The following ATP10B variants were observed in gnomAD, a reference collection of about 807,000 sequenced individuals.
ATP10B encodes phospholipid-transporting ATPase VB.
Under a neutral mutation model 141.2 loss-of-function variants are expected in ATP10B, and 122 were observed. That is an observed-to-expected ratio of 0.86 (90% CI 0.75 to 1.00). ATP10B has a LOEUF of 1.00. ATP10B is among the 50% of genes least tolerant of loss of function. The pLI, the probability that ATP10B is intolerant of heterozygous loss-of-function variation, is 0.00. For missense variants in ATP10B, 1,876 were observed against 1,825.3 expected, an observed-to-expected ratio of 1.03 and a Z score of -0.51; for synonymous variants, 685 against 692.0, an observed-to-expected ratio of 0.99 and a Z score of 0.16.
intron 1 of ATP10B, among the ~76,000 whole-genome samples, chr5:160,844,900 GA>G (rs1363476777): frequency 1.3e-5 from 2 of 151,966 alleles, no homozygotes; most frequent in East Asian, 1.9e-4. Flanking sequence ...TAAATTGAAA[GA>G]AAAAAACTGA....
At chr5:160,791,218 A>G (rs1771541108) in intron 1 of ATP10B, among the ~76,000 whole-genome samples, 1 of 152,178 alleles carries the variant, frequency 6.6e-6, no homozygotes. Flanking sequence ...AGTAGGACCC[A>G]TGCTGGACTT....
chr5:160,859,515 C>T, the ATP10B span, among the ~76,000 whole-genome samples: 1 of 151,768 alleles, frequency 6.6e-6, no homozygotes, highest in East Asian at 1.9e-4. Flanking sequence ...CCATAATCCC[C>T]CTTCAAATGT....
At chr5:160,659,317 T>C (rs546191704) in intron 7 of ATP10B, among the ~76,000 whole-genome samples, 14 of 151,910 alleles carry the variant, frequency 9.2e-5, no homozygotes, top group African/African-American at 3.4e-4. Flanking sequence ...TACAAAAAAT[T>C]AGCCGGGTAT....
At chr5:160,719,790 G>T (rs1211561786) in intron 2 of ATP10B, among the ~76,000 whole-genome samples, 1 of 152,188 alleles carries the variant, frequency 6.6e-6, no homozygotes, top group South Asian at 2.1e-4. Flanking sequence ...CTTTGCAAGG[G>T]AAGTGTGATT....
At chr5:160,770,983 CCA>C (rs1247615181) in intron 2 of ATP10B, among the ~76,000 whole-genome samples, 5 of 152,152 alleles carry the variant, frequency 3.3e-5, no homozygotes, top group Non-Finnish European at 7.3e-5. Flanking sequence ...CTTTTTCTCA[CCA>C]CCCTCAAAAG....
intron 1 of ATP10B, among the ~76,000 whole-genome samples, chr5:160,844,569 A>T (rs1162238621): frequency 6.6e-6 from 1 of 151,766 alleles, no homozygotes; most frequent in African/African-American, 2.4e-5. Flanking sequence ...TTTTTGAGAA[A>T]CAGTGTTGGT....
chr5:160,627,288 G>A (rs1271350214), intron 13 of ATP10B, among the ~76,000 whole-genome samples: 3 of 152,172 alleles, frequency 2.0e-5, no homozygotes, highest in South Asian at 2.1e-4. Context: ...AGCCCAGAGA[G>A]CATTGTCCCA....
chr5:160,814,401 T>C (rs1773430494), intron 1 of ATP10B, among the ~76,000 whole-genome samples: 1 of 152,038 alleles, frequency 6.6e-6, no homozygotes, highest in Non-Finnish European at 1.5e-5. Context: ...GAAGATCAAA[T>C]GAATGAAATG....
At chr5:160,858,035 A>T in the ATP10B span, among the ~76,000 whole-genome samples, 2 of 151,892 alleles carry the variant, frequency 1.3e-5, no homozygotes, top group African/African-American at 4.8e-5. Context: ...TTGATGTAAA[A>T]TTTTTATATT....
chr5:160,791,869 C>A (rs577492733), intron 1 of ATP10B, among the ~76,000 whole-genome samples: 24 of 152,044 alleles, frequency 1.6e-4, no homozygotes, highest in Non-Finnish European at 3.4e-4. Context: ...ACAGTATCAG[C>A]CTTCGTGTGG....
In ATP10B at chr5:160,565,330, A is replaced by G; in HGVS notation, c.*123T>C. Reference sequence around the variant, plus strand: ...GCCAGCACTTCCTCCATGGAAGTCAAGGTTGTTGAAGAAAAGAATAAGACT... The same window carrying G: ...GCCAGCACTTCCTCCATGGAAGTCAGGGTTGTTGAAGAAAAGAATAAGACT... On this transcript the variant is annotated 3_prime_UTR_variant, in exon 26 of 26. Coordinates refer to ENST00000327245, the MANE Select transcript of ATP10B (RefSeq NM_025153.3). 9.6e-7 allele frequency: 1 copy of G among 1,037,036 alleles called. No individual in the cohort carries two copies. Among genetic ancestry groups the G allele is most frequent in the Non-Finnish European group, 1.4e-6 (1 of 705,254 alleles). 64.2% of individuals were successfully genotyped at this position (1,037,036 alleles called of 1,614,324 possible). A position where few individuals can be genotyped will look rare whatever the true frequency, so the allele number is the denominator to read the frequency against.
chr5:160,602,923 A>G (rs1757174114), intron 20 of ATP10B: 2 of 488,628 alleles, frequency 4.1e-6, no homozygotes, highest in East Asian at 7.8e-5. Flanking sequence ...ATCAGAAGGG[A>G]TCAGTGGTCT....
chr5:160,927,792 G>A, the ATP10B span, among the ~76,000 whole-genome samples: 1 of 152,132 alleles, frequency 6.6e-6, no homozygotes, highest in Non-Finnish European at 1.5e-5. Context: ...AAAATAAATG[G>A]GAAGACAAGA....
At chr5:160,856,792 CAT>C (rs1754010978), upstream of ATP10B, among the ~76,000 whole-genome samples, 1 of 151,564 alleles carries the variant, frequency 6.6e-6, no homozygotes, top group African/African-American at 2.4e-5. Flanking sequence ...GCATTAATTC[CAT>C]TTGAATTTAA....
Position 160,622,386 on chromosome 5 carries a change from G to A in ATP10B, c.1812+8C>T, listed in dbSNP as rs906005931. ...TACCCTCCTCCCCCAGCCATCGCTG[G>A]TCCTTACCCTCTGCCTGGGCTCGGT... On this transcript the variant is annotated splice_region_variant and intron_variant, in intron 14 of 25. Coordinates refer to ENST00000327245, the MANE Select transcript of ATP10B (RefSeq NM_025153.3). The A allele has an allele frequency of 6.2e-7, 1 of 1,608,350 alleles. No homozygotes were observed.
At chr5:160,833,293 A>G (rs1775215449) in intron 1 of ATP10B, among the ~76,000 whole-genome samples, 2 of 152,192 alleles carry the variant, frequency 1.3e-5, no homozygotes. Flanking sequence ...AACTATCACT[A>G]ATAATTAGGT....
At chr5:160,794,490 G>C (rs1027520387) in intron 1 of ATP10B, among the ~76,000 whole-genome samples, 1 of 152,182 alleles carries the variant, frequency 6.6e-6, no homozygotes, top group Non-Finnish European at 1.5e-5. Flanking sequence ...TAGGGATTTA[G>C]AATTTAGAAA....
chr5:160,627,720 G>A (rs1415424613), intron 13 of ATP10B, among the ~76,000 whole-genome samples: 3 of 152,170 alleles, frequency 2.0e-5, no homozygotes, highest in East Asian at 1.9e-4. Flanking sequence ...TCTATTGAAT[G>A]TCTACCTGTC....
intron 2 of ATP10B, among the ~76,000 whole-genome samples, chr5:160,780,809 C>G (rs1770668267): frequency 3.3e-5 from 5 of 152,110 alleles, no homozygotes; most frequent in Admixed American, 3.3e-4. Context: ...TCTAGGGAGG[C>G]TTTTTCCTTT....
Sources: gnomAD v4.1 joint callset for allele counts (sites outside exome capture counted in the v4.1 genomes callset) on GRCh38, gnomAD v4.1.1 for gene constraint, MANE v1.5 for transcripts, NCBI Gene and HGNC (gene_info 2026-07-23, HGNC 2026-07-21) for gene names.